Variants in KIAA1217 observed in about 807,000 individuals in gnomAD.
KIAA1217 encodes sickle tail protein homolog.
In KIAA1217, 88 loss-of-function variants were observed where a neutral mutation model predicts 163.9. The ratio of observed to expected loss-of-function variants is 0.54; its 90% CI spans 0.45 to 0.64. KIAA1217 has a LOEUF of 0.64. Among genes scored for constraint, KIAA1217 ranks in the 30% least tolerant of loss-of-function variants. KIAA1217 has a pLI of 0.00. For missense variants in KIAA1217, 2,372 were observed against 2,475.0 expected, an observed-to-expected ratio of 0.96 and a Z score of 0.88; for synonymous variants, 903 against 923.1, an observed-to-expected ratio of 0.98 and a Z score of 0.39.
At chr10:24,054,536 TA>T (rs1849746761) in intron 2 of KIAA1217, among the ~76,000 whole-genome samples, 1 of 152,206 alleles carries the variant, frequency 6.6e-6, no homozygotes, top group African/African-American at 2.4e-5. Flanking sequence ...ACTTGTCTTT[TA>T]AAACTCCAGG....
chr10:24,179,639 G>A (rs987515085), intron 2 of KIAA1217, among the ~76,000 whole-genome samples: 4 of 151,776 alleles, frequency 2.6e-5, no homozygotes, highest in African/African-American at 7.3e-5. Context: ...CCCAGGCTGG[G>A]GTGCAGTGGT....
intron 2 of KIAA1217, chr10:24,158,716 A>T: frequency 2.0e-6 from 1 of 506,382 alleles, no homozygotes; most frequent in Non-Finnish European, 4.0e-6. Flanking sequence ...CAAAGATTCT[A>T]CTAGTGATTA....
At chr10:24,032,469 A>G (rs952463238) in intron 2 of KIAA1217, among the ~76,000 whole-genome samples, 1 of 151,936 alleles carries the variant, frequency 6.6e-6, no homozygotes, top group East Asian at 1.9e-4. Context: ...CTGTTCTCCA[A>G]CTCCGAGGCC....
chr10:24,137,479 C>T (rs962048595), intron 2 of KIAA1217, among the ~76,000 whole-genome samples: 4 of 152,220 alleles, frequency 2.6e-5, no homozygotes, highest in African/African-American at 9.6e-5. Flanking sequence ...TGGAAGTTCT[C>T]ACATTTGAGC....
chr10:24,220,163 T>C (rs1020100367), intron 2 of KIAA1217, among the ~76,000 whole-genome samples: 12 of 152,060 alleles, frequency 7.9e-5, no homozygotes, highest in Admixed American at 2.6e-4. Context: ...CTAGAGAGTA[T>C]GCAGTTCCCC....
At chr10:24,277,052 C>G (rs1219796234) in intron 2 of KIAA1217, among the ~76,000 whole-genome samples, 1 of 152,188 alleles carries the variant, frequency 6.6e-6, no homozygotes, top group African/African-American at 2.4e-5. Flanking sequence ...AGCTGCCATG[C>G]CTGGCCTTAA....
chr10:23,889,860 A>G (rs892902953), intron 1 of KIAA1217, among the ~76,000 whole-genome samples: 3 of 151,712 alleles, frequency 2.0e-5, no homozygotes, highest in Admixed American at 2.0e-4. Context: ...AATTCTATTC[A>G]TTTTTATTAA....
chr10:23,739,632 G>C (rs894000026), intron 1 of KIAA1217, among the ~76,000 whole-genome samples: 1 of 152,168 alleles, frequency 6.6e-6, no homozygotes, highest in Non-Finnish European at 1.5e-5. Flanking sequence ...CATGAGATGG[G>C]AATGTGTGGA....
At chr10:23,890,575 G>T (rs1841375510) in intron 1 of KIAA1217, among the ~76,000 whole-genome samples, 1 of 151,668 alleles carries the variant, frequency 6.6e-6, no homozygotes, top group South Asian at 2.1e-4. Context: ...TAGTGTTATC[G>T]ATTTCTAATT....
intron 1 of KIAA1217, among the ~76,000 whole-genome samples, chr10:23,881,082 G>A (rs1840928018): frequency 6.6e-6 from 1 of 151,762 alleles, no homozygotes; most frequent in Non-Finnish European, 1.5e-5. Context: ...AGGAGCACTG[G>A]AGGTCTGGAG....
chr10:23,792,736 T>C (rs1836014878), intron 1 of KIAA1217, among the ~76,000 whole-genome samples: 2 of 151,906 alleles, frequency 1.3e-5, no homozygotes, highest in African/African-American at 4.8e-5. Context: ...TCTCCTGACC[T>C]TGTGATCCAC....
At chr10:24,296,820 C>T (rs530290606) in intron 2 of KIAA1217, among the ~76,000 whole-genome samples, 1 of 152,306 alleles carries the variant, frequency 6.6e-6, no homozygotes, top group East Asian at 1.9e-4. Flanking sequence ...GGGCTAAATA[C>T]AGATTATGTG....
chr10:24,125,313 T>A (rs923745513), intron 2 of KIAA1217, among the ~76,000 whole-genome samples: 2 of 139,188 alleles, frequency 1.4e-5, no homozygotes, highest in African/African-American at 5.4e-5. Context: ...TCTGAAAGAA[T>A]CCTATGCTCT....
intron 1 of KIAA1217, among the ~76,000 whole-genome samples, chr10:23,810,621 G>T (rs1398179967): frequency 7.9e-6 from 1 of 126,680 alleles, no homozygotes; most frequent in African/African-American, 3.1e-5. Flanking sequence ...TAAATATATA[G>T]TGTCTTATAT....
At chr10:24,395,631 G>A (rs1186851287) in intron 3 of KIAA1217, among the ~76,000 whole-genome samples, 2 of 152,148 alleles carry the variant, frequency 1.3e-5, no homozygotes, top group Non-Finnish European at 2.9e-5. Flanking sequence ...GGCTAGGCAC[G>A]TTCTTGTGCT....
At chr10:23,823,806 G>A (rs1837738499) in intron 1 of KIAA1217, among the ~76,000 whole-genome samples, 1 of 152,116 alleles carries the variant, frequency 6.6e-6, no homozygotes. Flanking sequence ...CTGATAGAAT[G>A]GAGGGAATAT....
At chr10:23,884,146 G>A (rs1841073354) in intron 1 of KIAA1217, among the ~76,000 whole-genome samples, 1 of 151,884 alleles carries the variant, frequency 6.6e-6, no homozygotes, top group South Asian at 2.1e-4. Context: ...TTGCTGGATT[G>A]TATAGCAAGG....
At chr10:24,209,301 A>T in intron 1 of KIAA1217, 38 bp downstream of exon 1, 3 of 1,500,806 alleles carry the variant, frequency 2.0e-6, no homozygotes, top group Non-Finnish European at 2.8e-6. Flanking sequence ...AGTTACAGGG[A>T]CGCGTGCCCC....
In KIAA1217 at chr10:23,882,254, T is replaced by C. The variant is rs192719678; in HGVS notation, c.-320-124971T>C. On this transcript the variant is annotated intron_variant, in intron 1 of 18. Transcript: ENST00000376462. ...TGGCAATGTGACAAACCTGAGTCAGTGTACAGCAGACATTGCCATTGTGTG... is the reference window on the plus strand; with the variant it reads ...TGGCAATGTGACAAACCTGAGTCAGCGTACAGCAGACATTGCCATTGTGTG... Among the ~76,000 whole-genome samples the C allele has an allele frequency of 4.3e-4, 66 of 152,024 alleles. No homozygotes were observed. In the East Asian group the frequency reaches 9.2e-3, roughly 21 times the overall value.
Sources: allele counts gnomAD v4.1 joint callset (sites outside exome capture counted in the v4.1 genomes callset), GRCh38; gene constraint gnomAD v4.1.1; transcripts MANE v1.5; gene names NCBI Gene and HGNC (gene_info 2026-07-23, HGNC 2026-07-21).